The following ASAP1 variants were observed in gnomAD, a reference collection of about 807,000 sequenced individuals.
ASAP1 encodes arf-GAP with SH3 domain, ANK repeat and PH domain-containing protein 1.
Under a neutral mutation model 145.2 loss-of-function variants are expected in ASAP1, and 43 were observed. The ratio of observed to expected loss-of-function variants is 0.30; its 90% confidence interval spans 0.23 to 0.38. The LOEUF is 0.38. Ranked by LOEUF, ASAP1 falls within the 10% of genes least tolerant of loss-of-function variation. The probability of loss-of-function intolerance (pLI) is 1.00; values close to 1 mark genes in which losing one functional copy is unlikely to be tolerated. For missense variants in ASAP1, 1,018 were observed against 1,355.3 expected (o/e 0.75, Z 3.91); for synonymous variants, 546 against 515.5 (o/e 1.06, Z -0.80).
At chr8:130,253,279 C>T (rs1819314130) in intron 3 of ASAP1, among the ~76,000 whole-genome samples, 1 of 152,152 alleles carries the variant, frequency 6.6e-6, no homozygotes, top group South Asian at 2.1e-4. Context: ...CTCTATAAAA[C>T]AGGGAAATTT....
intron 3 of ASAP1, among the ~76,000 whole-genome samples, chr8:130,327,884 T>C (rs1222442458): frequency 6.6e-6 from 1 of 152,240 alleles, no homozygotes; most frequent in Admixed American, 6.5e-5. Context: ...TGAAGTATGC[T>C]ACGTGAATTA....
intron 3 of ASAP1, among the ~76,000 whole-genome samples, chr8:130,280,041 T>C (rs1397650647): frequency 6.6e-6 from 1 of 152,184 alleles, no homozygotes; most frequent in African/African-American, 2.4e-5. Context: ...ATGTTCCTTA[T>C]TTTATTTGGT....
At chr8:130,321,457 G>A (rs1030542763) in intron 3 of ASAP1, among the ~76,000 whole-genome samples, 1 of 152,064 alleles carries the variant, frequency 6.6e-6, no homozygotes, top group African/African-American at 2.4e-5. Context: ...ATAGGAATGT[G>A]AACTCTGGGA....
intron 5 of ASAP1, among the ~76,000 whole-genome samples, chr8:130,209,603 A>G (rs1470204607): frequency 6.6e-6 from 1 of 152,204 alleles, no homozygotes; most frequent in Non-Finnish European, 1.5e-5. Context: ...ATAATGAAAA[A>G]GTAAAAATGG....
intron 13 of ASAP1, among the ~76,000 whole-genome samples, chr8:130,147,257 G>A (rs1371465755): frequency 6.6e-6 from 1 of 150,574 alleles, no homozygotes. Flanking sequence ...TTTAAAATGG[G>A]GATAGTTGTA....
At position 130,138,180 on chromosome 8, in the gene ASAP1, T is replaced by G. The variant is rs142987406; in HGVS notation, c.1081-1142A>C. Among the ~76,000 whole-genome samples, 183 of 152,340 alleles carry G rather than the reference T, an allele frequency of 1.2e-3. 1 individual carries two copies. Among genetic ancestry groups the G allele is most frequent in the African/African-American group, 4.1e-3 (171 of 41,584 alleles). ...AATCAAGACACCTTCAATGACACAC[T>G]GCCACCTCTCCTTCTAAATAATGGG... is the stretch of plus-strand genomic sequence containing the variant. On this transcript the variant is annotated intron_variant, in intron 13 of 29. Coordinates refer to ENST00000518721, the MANE Select transcript of ASAP1 (RefSeq NM_018482.4).
intron 3 of ASAP1, among the ~76,000 whole-genome samples, chr8:130,277,801 CAT>C (rs10597824): frequency 0.026 from 3,962 of 152,238 alleles, 63 homozygotes; most frequent in Middle Eastern, 0.044. Context: ...CTTTGCCACT[CAT>C]ATTGTGTCTG....
chr8:130,375,349 G>A (rs1827433614), intron 2 of ASAP1, among the ~76,000 whole-genome samples: 1 of 151,954 alleles, frequency 6.6e-6, no homozygotes, highest in Admixed American at 6.6e-5. Context: ...GGCCCAAGGG[G>A]TCTGGCTATG....
At chr8:130,096,292 T>C (rs2097517727) in intron 24 of ASAP1, among the ~76,000 whole-genome samples, 1 of 152,162 alleles carries the variant, frequency 6.6e-6, no homozygotes. Flanking sequence ...TAAATCTGAG[T>C]ACTGGTTCAG....
chr8:130,154,411 T>G lies in ASAP1; in HGVS notation c.1011-1606A>C, dbSNP rs117595320. ...CTCCAGGCACAGACGAGACTGCATG[T>G]GTGGTAGATCTGCGTGTGTGCAGGT... On this transcript the variant is annotated intron_variant, in intron 12 of 29. Coordinates refer to ENST00000518721, the MANE Select transcript of ASAP1 (RefSeq NM_018482.4). Among the ~76,000 whole-genome samples the G allele has an allele frequency of 1.1e-4, 17 of 152,232 alleles. No homozygotes were observed. In the East Asian group the frequency reaches 3.3e-3, roughly 29 times the overall value.
chr8:130,342,800 T>G (rs565632522), intron 3 of ASAP1, among the ~76,000 whole-genome samples: 1 of 152,132 alleles, frequency 6.6e-6, no homozygotes, highest in African/African-American at 2.4e-5. Flanking sequence ...CCTCTTCTCC[T>G]TCCCCTCAAG....
chr8:130,247,972 C>G (rs576233531), intron 3 of ASAP1, among the ~76,000 whole-genome samples: 11 of 152,276 alleles, frequency 7.2e-5, no homozygotes, highest in African/African-American at 2.6e-4. Context: ...TGGAGATGCA[C>G]AGGCTTGTGA....
chr8:130,119,477 T>C (rs2097562051), intron 18 of ASAP1, among the ~76,000 whole-genome samples: 1 of 152,230 alleles, frequency 6.6e-6, no homozygotes, highest in South Asian at 2.1e-4. Flanking sequence ...CAAGTGTTTC[T>C]GGTGGGACTG....
chr8:130,325,277 C>T (rs894073284), intron 3 of ASAP1, among the ~76,000 whole-genome samples: 4 of 152,126 alleles, frequency 2.6e-5, no homozygotes, highest in Non-Finnish European at 4.4e-5. Flanking sequence ...TTTCTTTCAA[C>T]GTATTCAAAA....
chr8:130,380,353 G>A (rs749761862), intron 2 of ASAP1, among the ~76,000 whole-genome samples: 1 of 152,176 alleles, frequency 6.6e-6, no homozygotes, highest in Non-Finnish European at 1.5e-5. Flanking sequence ...CTTGGCTGAG[G>A]GCTGCTCCTG....
intron 15 of ASAP1, among the ~76,000 whole-genome samples, chr8:130,132,482 C>T (rs545191592): frequency 3.5e-4 from 54 of 152,290 alleles, no homozygotes; most frequent in African/African-American, 1.3e-3. Context: ...AGAGTATTTA[C>T]AACCTTCCCC....
At chr8:130,157,570 GT>G (rs2097660501) in intron 12 of ASAP1, among the ~76,000 whole-genome samples, 1 of 152,106 alleles carries the variant, frequency 6.6e-6, no homozygotes, top group African/African-American at 2.4e-5. Flanking sequence ...GTTGGATTAT[GT>G]CACTCTTGTG....
At chr8:130,313,906 T>TGGGAGGGAGGGGA (rs1823509344) in intron 3 of ASAP1, among the ~76,000 whole-genome samples, 1 of 152,102 alleles carries the variant, frequency 6.6e-6, no homozygotes, top group Admixed American at 6.5e-5. Context: ...CCCATGCTCT[T>TGGGAGGGAGGGGA]CTCCTCTCCC....
intron 3 of ASAP1, among the ~76,000 whole-genome samples, chr8:130,354,992 T>A (rs1406433286): frequency 6.6e-6 from 1 of 152,164 alleles, no homozygotes; most frequent in Admixed American, 6.5e-5. Flanking sequence ...TTCATATGAT[T>A]CTCCTGCCTC....
Sources: allele counts gnomAD v4.1 joint callset (sites outside exome capture counted in the v4.1 genomes callset), GRCh38; gene constraint gnomAD v4.1.1; transcripts MANE v1.5; gene names NCBI Gene and HGNC (gene_info 2026-07-23, HGNC 2026-07-21).